Variants in CCDC38 observed in about 807,000 individuals in gnomAD.
CCDC38 encodes coiled-coil domain-containing protein 38.
A neutral mutation model predicts 72.8 loss-of-function variants in CCDC38; 69 were observed. The observed-to-expected ratio is 0.95, with a 90% CI of 0.78 to 1.16. The LOEUF is 1.16. CCDC38 is among the 50% of genes most tolerant of loss of function. The pLI is 0.00. For synonymous variants in CCDC38, 201 were observed against 213.2 expected (o/e 0.94, Z 0.50); for missense variants, 626 against 638.9 (o/e 0.98, Z 0.22).
chr12:95,919,525 C>G (rs1365373390), intron 2 of CCDC38: 1 of 455,912 alleles, frequency 2.2e-6, no homozygotes, highest in Non-Finnish European at 4.4e-6. Context: ...GTTTAGTTTG[C>G]TTTAACAGTA....
intron 13 of CCDC38, 93 bp from the exon 14 acceptor site, chr12:95,872,553 G>A (rs1483798643): frequency 2.6e-6 from 2 of 766,336 alleles, no homozygotes; most frequent in Admixed American, 5.4e-5. Context: ...CCATGTATAT[G>A]CTATTAAATG....
chr12:95,888,466 CT>C lies in CCDC38; in HGVS notation c.911del (p.Lys304ArgfsTer19). 1 of 1,613,964 alleles carries C rather than the reference CT, an allele frequency of 6.2e-7. No individual in the cohort carries two copies. Among genetic ancestry groups the C allele is most frequent in the Non-Finnish European group, 8.5e-7 (1 of 1,179,964 alleles). On this transcript the variant is annotated frameshift_variant, in exon 10 of 16. Transcript: ENST00000344280. LOFTEE classifies it high-confidence loss of function. ...TCAAGTATATACTGTACTTTGATTT[CT>C]TTTTCTCTGGAGTGCGAGTCAGGCT... ...SRSLTRTPEK[K>X]KSNLAESFGS...
chr12:95,872,957 A>G (rs186918251), intron 13 of CCDC38, among the ~76,000 whole-genome samples: 2 of 152,378 alleles, frequency 1.3e-5, no homozygotes, highest in Admixed American at 6.5e-5. Context: ...GCATTACTAT[A>G]GAACACCTTG....
chr12:95,908,354 CGGCAGGCTGAGGCAGGAGAATCA>C (rs2080039266), intron 4 of CCDC38, among the ~76,000 whole-genome samples: 3 of 147,722 alleles, frequency 2.0e-5, no homozygotes. Flanking sequence ...CGCAGGCACT[CGGCAGGCTGAGGCAGGAGAATCA>C]GGCAGGGAGG....
chr12:95,917,464 A>G (rs190291160), intron 3 of CCDC38, among the ~76,000 whole-genome samples, 170 bp from the exon 4 acceptor site: 146 of 152,318 alleles, frequency 9.6e-4, no homozygotes, highest in Non-Finnish European at 1.9e-4. Flanking sequence ...TCCTTCTCAT[A>G]TGAAGCTGAG....
chr12:95,890,792 T>G lies in CCDC38; in HGVS notation c.871+40A>C, dbSNP rs372764363. The G allele has an allele frequency of 1.1e-5, 14 of 1,247,602 alleles. No individual in the cohort carries two copies. In the Admixed American group the frequency reaches 1.6e-4, roughly 14 times the overall value. 77.3% of individuals were successfully genotyped at this position (1,247,602 alleles called of 1,614,324 possible). On this transcript the variant is annotated intron_variant, in intron 9 of 15. Transcript: ENST00000344280. ...TGTCTCCACTTTGAGATGGACACAT[T>G]CGCAGGTTTTACTTTCATGAGTCCC...
chr12:95,919,099 T>G lies in CCDC38; in HGVS notation c.38-123A>C. 1.2e-5 allele frequency: 8 copies of G among 644,582 alleles called. No individual in the cohort carries two copies. In the South Asian group the frequency reaches 1.5e-4, roughly 12 times the overall value. The allele number at this position is 644,582 out of a possible 1,614,324, so 39.9% of individuals were successfully genotyped here. A position where few individuals can be genotyped will look rare whatever the true frequency, so the allele number is the denominator to read the frequency against. ...TGCAGGGATCTCTGAGAAGGTAGTG[T>G]TAAAAGAAAAACTTTGGCCGAATTA... On this transcript the variant is annotated intron_variant, in intron 2 of 15. Transcript: ENST00000344280.
chr12:95,890,987 T>G lies in CCDC38; in HGVS notation c.773-57A>C. On this transcript the variant is annotated intron_variant, in intron 8 of 15. Transcript: ENST00000344280. ...GAGAAAGATGGGGGGAAAAAAACAC[T>G]GCTGAGAAAGAGAGCTTTGTCTCAG... 3.2e-6 allele frequency: 3 copies of G among 950,448 alleles called. No homozygotes were observed. In the Admixed American group the frequency reaches 5.5e-5, roughly 18 times the overall value. 58.9% of individuals were successfully genotyped at this position (950,448 alleles called of 1,614,324 possible).
At chr12:95,911,415 A>G (rs1455140569) in intron 4 of CCDC38, among the ~76,000 whole-genome samples, 1 of 152,228 alleles carries the variant, frequency 6.6e-6, no homozygotes, top group Non-Finnish European at 1.5e-5. Flanking sequence ...GCGCAGCAAA[A>G]AACACTATCA....
chr12:95,887,464 A>C (rs2079772415), intron 10 of CCDC38, among the ~76,000 whole-genome samples: 1 of 152,254 alleles, frequency 6.6e-6, no homozygotes, highest in Non-Finnish European at 1.5e-5. Context: ...ACTTAAGTGA[A>C]TCTCCAGAGA....
intron 5 of CCDC38, among the ~76,000 whole-genome samples, chr12:95,901,060 A>G (rs1592777633): frequency 6.6e-6 from 1 of 152,334 alleles, no homozygotes; most frequent in South Asian, 2.1e-4. Context: ...CAGTAGAAGC[A>G]GGAGACCCAG....
chr12:95,933,706 T>C (rs568480909), intron 2 of CCDC38: 50 of 152,372 alleles, frequency 3.3e-4, no homozygotes, highest in Non-Finnish European at 5.9e-4. Context: ...CTTTCTTGTA[T>C]ACCAGGAGAT....
At chr12:95,910,159 C>A (rs954137703) in intron 4 of CCDC38, among the ~76,000 whole-genome samples, 6 of 152,192 alleles carry the variant, frequency 3.9e-5, no homozygotes, top group Non-Finnish European at 5.9e-5. Flanking sequence ...ACCCCAAAGA[C>A]TCCACCAAAA....
intron 10 of CCDC38, chr12:95,885,255 C>T (rs2079746204): frequency 6.5e-6 from 1 of 153,196 alleles, no homozygotes; most frequent in South Asian, 1.9e-4. Context: ...TCCTAAGACA[C>T]AGATCTTCAG....
At chr12:95,928,640 C>G (rs2080300053) in intron 2 of CCDC38, among the ~76,000 whole-genome samples, 1 of 152,206 alleles carries the variant, frequency 6.6e-6, no homozygotes, top group Non-Finnish European at 1.5e-5. Context: ...TCCAGTTTTT[C>G]TGTTCTGTTT....
chr12:95,894,419 T>A (rs2121465880), intron 8 of CCDC38, among the ~76,000 whole-genome samples: 1 of 152,294 alleles, frequency 6.6e-6, no homozygotes, highest in Admixed American at 6.5e-5. Flanking sequence ...TATGCTACAC[T>A]CCAAATCTCA....
intron 10 of CCDC38, among the ~76,000 whole-genome samples, chr12:95,884,152 T>C (rs11108317): frequency 0.19 from 28,790 of 152,180 alleles, 3,012 homozygotes; most frequent in African/African-American, 0.28. Flanking sequence ...GCTGTCGCTA[T>C]GTGCAAATGA....
intron 10 of CCDC38, among the ~76,000 whole-genome samples, chr12:95,887,027 T>C (rs924678344): frequency 6.6e-6 from 1 of 151,936 alleles, no homozygotes; most frequent in Non-Finnish European, 1.5e-5. Flanking sequence ...CTACTAAAAA[T>C]AACAAAAATT....
At chr12:95,935,067 G>A (rs1031120924) in intron 2 of CCDC38, 3 of 152,076 alleles carry the variant, frequency 2.0e-5, no homozygotes, top group Admixed American at 1.3e-4. Context: ...CCTTTCCAAT[G>A]GACATTATGA....
Sources: gnomAD v4.1 joint callset for allele counts (sites outside exome capture counted in the v4.1 genomes callset) on GRCh38, gnomAD v4.1.1 for gene constraint, MANE v1.5 for transcripts, NCBI Gene and HGNC (gene_info 2026-07-23, HGNC 2026-07-21) for gene names.